The following RNFT2 variants were observed in gnomAD, a reference collection of about 807,000 sequenced individuals.
RNFT2 encodes the protein ring finger protein, transmembrane 2.
A neutral mutation model predicts 53.0 loss-of-function variants in RNFT2; 36 were observed. That is an observed-to-expected ratio of 0.68 (90% CI 0.52 to 0.90). The LOEUF is 0.90. Among genes scored for constraint, RNFT2 ranks in the 40% least tolerant of loss-of-function variants. The pLI is 0.00. For missense variants in RNFT2, 514 were observed against 585.6 expected, an observed-to-expected ratio of 0.88 and a Z score of 1.26; for synonymous variants, 260 against 253.2, an observed-to-expected ratio of 1.03 and a Z score of -0.26.
At position 116,829,478 on chromosome 12, in the gene RNFT2, G is replaced by A. The variant is rs146586612; in HGVS notation, c.883-4314G>A. Among the ~76,000 whole-genome samples, 235 of 152,176 alleles carry A rather than the reference G, an allele frequency of 1.5e-3. 1 individual carries two copies. The highest frequency in any genetic ancestry group is 5.1e-3 in the African/African-American group (212 of 41,518). On this transcript the variant is annotated intron_variant, in intron 7 of 10. Transcript: ENST00000257575. ...CAATGGCCTCACAACTGGAGGTGGC[G>A]AACTAGTCACAAAAATCAGGCAGGG...
chr12:116,766,877 G>A lies in RNFT2; in HGVS notation c.691G>A (p.Val231Met). Reference protein sequence around the residue: ...LAFLAGNTLYVLYTFSSQQLY... With the variant: ...LAFLAGNTLYMLYTFSSQQLY... Reference sequence around the variant, plus strand: ...CTTTCTGGCGGGGAACACCCTCTATGTGCTTTATACATTCAGCTCCCAGCA... The same window carrying A: ...CTTTCTGGCGGGGAACACCCTCTATATGCTTTATACATTCAGCTCCCAGCA... The change falls in exon 6 of 11, where the codon GTG becomes ATG. Residue 231 changes from valine to methionine, a missense_variant. Coordinates refer to ENST00000257575, the MANE Select transcript of RNFT2 (RefSeq NM_001382266.1). 1 of 1,595,278 alleles carries A rather than the reference G, an allele frequency of 6.3e-7. No individual in the cohort carries two copies. The highest frequency in any genetic ancestry group is 8.5e-7 in the Non-Finnish European group (1 of 1,170,434).
intron 7 of RNFT2, among the ~76,000 whole-genome samples, chr12:116,790,236 A>G (rs1351528505): frequency 6.6e-6 from 1 of 152,224 alleles, no homozygotes; most frequent in Non-Finnish European, 1.5e-5. Context: ...AATATTGCTG[A>G]GCATTTATTA....
At chr12:116,790,131 A>G (rs1874167495) in intron 7 of RNFT2, among the ~76,000 whole-genome samples, 1 of 152,230 alleles carries the variant, frequency 6.6e-6, no homozygotes, top group African/African-American at 2.4e-5. Context: ...AAAAACCTAT[A>G]AGCAAAGTAG....
At chr12:116,782,512 G>A (rs1873760514) in intron 7 of RNFT2, among the ~76,000 whole-genome samples, 1 of 152,078 alleles carries the variant, frequency 6.6e-6, no homozygotes, top group African/African-American at 2.4e-5. Flanking sequence ...GGGCAACAGA[G>A]TGAGACTCTG....
rs747542052 is a variant in RNFT2, at chr12:116,779,387, A to G, written c.882+39A>G. ...GCGGCCACAAGGTAGCCCCAGTCAC[A>G]TGGATCATGCAGAGGATTCAGGGTG... On this transcript the variant is annotated intron_variant, in intron 7 of 10. Coordinates refer to ENST00000257575, the MANE Select transcript of RNFT2 (RefSeq NM_001382266.1). The G allele has an allele frequency of 9.9e-6, 16 of 1,610,506 alleles. No individual in the cohort carries two copies. In the African/African-American group the frequency reaches 1.2e-4, roughly 12 times the overall value.
chr12:116,835,828 A>G (rs1429554386), intron 8 of RNFT2, 132 bp from the exon 9 acceptor site: 2 of 838,356 alleles, frequency 2.4e-6, no homozygotes, highest in African/African-American at 3.4e-5. Flanking sequence ...AGAAGTGCAA[A>G]TGAGAAGAGG....
At chr12:116,790,169 C>T (rs1874169384) in intron 7 of RNFT2, among the ~76,000 whole-genome samples, 2 of 152,104 alleles carry the variant, frequency 1.3e-5, no homozygotes, top group Non-Finnish European at 2.9e-5. Context: ...TAGAAAAGAC[C>T]ATATAGGGCC....
At chr12:116,771,409 A>G (rs577138878) in intron 6 of RNFT2, among the ~76,000 whole-genome samples, 1 of 147,288 alleles carries the variant, frequency 6.8e-6, no homozygotes, top group Admixed American at 6.9e-5. Flanking sequence ...GCAGTGAGCC[A>G]TAATCACACC....
chr12:116,811,140 G>T (rs917317719), intron 7 of RNFT2, among the ~76,000 whole-genome samples: 2 of 152,076 alleles, frequency 1.3e-5, no homozygotes, highest in African/African-American at 4.8e-5. Flanking sequence ...ACGCTACTCG[G>T]AAGTTTGTCT....
intron 5 of RNFT2, among the ~76,000 whole-genome samples, chr12:116,762,428 T>G (rs1406949652): frequency 6.7e-6 from 1 of 148,714 alleles, no homozygotes. Flanking sequence ...AAGAAAGAAA[T>G]AGTGCATACA....
At chr12:116,745,817 A>T (rs1344097957) in intron 3 of RNFT2, among the ~76,000 whole-genome samples, 4 of 152,202 alleles carry the variant, frequency 2.6e-5, no homozygotes, top group Admixed American at 2.6e-4. Context: ...GCATGTTCTG[A>T]GTGCCAGGTG....
chr12:116,781,041 A>C (rs1228273198), intron 7 of RNFT2, among the ~76,000 whole-genome samples: 4 of 152,214 alleles, frequency 2.6e-5, no homozygotes, highest in African/African-American at 9.6e-5. Flanking sequence ...TGGGAAATAC[A>C]GAGTGCTTTG....
chr12:116,774,899 C>G (rs890375902), intron 6 of RNFT2, among the ~76,000 whole-genome samples: 4 of 151,638 alleles, frequency 2.6e-5, no homozygotes, highest in Non-Finnish European at 5.9e-5. Context: ...CTCTGTGCCC[C>G]CATCAAAGCA....
intron 10 of RNFT2, among the ~76,000 whole-genome samples, chr12:116,841,870 A>AAT (rs1397999807): frequency 3.1e-4 from 8 of 25,784 alleles, no homozygotes; most frequent in South Asian, 7.4e-4. Flanking sequence ...TATATATATA[A>AAT]ATATATATAT....
intron 6 of RNFT2, among the ~76,000 whole-genome samples, chr12:116,768,857 A>C (rs113573555): frequency 0.032 from 4,788 of 151,472 alleles, 278 homozygotes; most frequent in African/African-American, 0.11. Context: ...CAGCCTCCCA[A>C]ATAGCTGGGA....
chr12:116,783,032 A>G (rs921297610), intron 7 of RNFT2, among the ~76,000 whole-genome samples: 82 of 152,184 alleles, frequency 5.4e-4, no homozygotes, highest in African/African-American at 1.8e-3. Context: ...CTGGCTCATC[A>G]TAAGTGCTCA....
At chr12:116,817,204 G>A (rs537469921) in intron 7 of RNFT2, among the ~76,000 whole-genome samples, 36 of 152,216 alleles carry the variant, frequency 2.4e-4, no homozygotes, top group African/African-American at 8.2e-4. Context: ...GTACAGATGG[G>A]GTTTCACGAT....
chr12:116,750,882 TATATATATAATATATATATATA>T (rs1872204815), intron 4 of RNFT2, among the ~76,000 whole-genome samples: 1 of 1,158 alleles, frequency 8.6e-4, no homozygotes, highest in African/African-American at 1.4e-3. Flanking sequence ...ATATATATAT[TATATATATAATATATATATATA>T]TATATTTTTT....
In RNFT2 at chr12:116,852,501, C is replaced by A; in HGVS notation, c.*3053C>A. On this transcript the variant is annotated 3_prime_UTR_variant, in exon 11 of 11. Transcript: ENST00000257575. ...GGCCATGATGTTACAATCCCACTTG[C>A]CTGAATAATCAAGTGGGAAGGGGAA... is the stretch of plus-strand genomic sequence containing the variant. 6.6e-7 allele frequency: 1 copy of A among 1,513,736 alleles called. No homozygotes were observed. Among genetic ancestry groups the A allele is most frequent in the South Asian group, 1.3e-5 (1 of 75,646 alleles). The allele number at this position is 1,513,736 out of a possible 1,614,324, so 93.8% of individuals were successfully genotyped here.
Sources: gnomAD v4.1 joint callset for allele counts (sites outside exome capture counted in the v4.1 genomes callset) on GRCh38, gnomAD v4.1.1 for gene constraint, MANE v1.5 for transcripts, NCBI Gene and HGNC (gene_info 2026-07-23, HGNC 2026-07-21) for gene names.